The following RBM27 variants were observed in gnomAD, a reference collection of about 807,000 sequenced individuals.
RBM27 encodes RNA-binding protein 27.
In RBM27, 22 loss-of-function variants were observed where a neutral mutation model predicts 135.3. The ratio of observed to expected loss-of-function variants is 0.16; its 90% CI spans 0.12 to 0.23. The LOEUF (loss-of-function observed/expected upper bound fraction) is 0.23, where lower values mean the gene tolerates loss of function less well. Among genes scored for constraint, RBM27 ranks in the 10% least tolerant of loss-of-function variants. The pLI is 1.00. For synonymous variants in RBM27, 481 were observed against 442.4 expected (o/e 1.09, Z -1.10); for missense variants, 1,009 against 1,281.0 (o/e 0.79, Z 3.24).
chr5:146,288,379 G>A lies in RBM27; in HGVS notation c.*2349G>A, dbSNP rs1001263594. 6.6e-6 allele frequency: 1 copy of A among 151,950 alleles called. No individual in the cohort carries two copies. The highest frequency in any genetic ancestry group is 2.4e-5 in the African/African-American group (1 of 41,404). The allele number at this position is 151,950 out of a possible 1,614,324, so 9.4% of individuals were successfully genotyped here. ...ATAAGTTTTCAGTACACCTTAAACA[G>A]GACTAAAAATACTTTAAAAGTGTGC... On this transcript the variant is annotated 3_prime_UTR_variant, in exon 21 of 21. Transcript: ENST00000265271.
intron 12 of RBM27, 59 bp from the exon 13 acceptor site, chr5:146,261,451 C>A: frequency 7.1e-7 from 1 of 1,404,026 alleles, no homozygotes; most frequent in South Asian, 1.2e-5. Context: ...AGCAGTGGGT[C>A]ATAATTTATT....
chr5:146,233,792 C>T, intron 7 of RBM27, 49 bp downstream of exon 7: 1 of 1,287,852 alleles, frequency 7.8e-7, no homozygotes, highest in Non-Finnish European at 1.0e-6. Context: ...TTTAGAAGAA[C>T]CTCATCCCTT....
intron 9 of RBM27, among the ~76,000 whole-genome samples, chr5:146,252,125 C>T (rs910704415): frequency 6.6e-6 from 1 of 152,168 alleles, no homozygotes; most frequent in African/African-American, 2.4e-5. Context: ...CAAAGTGATG[C>T]TAGTTCCTTG....
intron 19 of RBM27, among the ~76,000 whole-genome samples, chr5:146,274,087 C>T (rs550912804): frequency 2.6e-5 from 4 of 152,154 alleles, no homozygotes; most frequent in East Asian, 3.9e-4. Context: ...TGGGTTCAAG[C>T]GATTATCCTG....
intron 8 of RBM27, among the ~76,000 whole-genome samples, chr5:146,239,821 A>G (rs1242866560): frequency 7.6e-6 from 1 of 132,328 alleles, no homozygotes; most frequent in Non-Finnish European, 1.6e-5. Context: ...TCTGTTCCCC[A>G]GGCTGAAGTG....
chr5:146,205,759 G>T (rs1755615531), intron 1 of RBM27, among the ~76,000 whole-genome samples: 1 of 152,140 alleles, frequency 6.6e-6, no homozygotes, highest in Non-Finnish European at 1.5e-5. Flanking sequence ...GGTGGTTCAC[G>T]CCTGTAATCC....
intron 20 of RBM27, 55 bp from the exon 21 acceptor site, chr5:146,285,892 T>TA (rs1374953497): frequency 4.3e-6 from 6 of 1,390,764 alleles, no homozygotes; most frequent in Admixed American, 1.7e-5. Flanking sequence ...GCCTAAAAAG[T>TA]ATTTTACTTA....
At chr5:146,262,027 G>A (rs1758422580) in intron 13 of RBM27, among the ~76,000 whole-genome samples, 1 of 152,146 alleles carries the variant, frequency 6.6e-6, no homozygotes, top group East Asian at 1.9e-4. Context: ...GAATCCCTAT[G>A]GGTGGGGCCC....
rs771357573 is a variant in RBM27, at chr5:146,287,292, T to G, written c.*1262T>G. 4.4e-4 allele frequency: 67 copies of G among 152,336 alleles called. No homozygotes were observed. The highest frequency in any genetic ancestry group is 8.7e-4 in the Non-Finnish European group (59 of 68,024). 9.4% of individuals were successfully genotyped at this position (152,336 alleles called of 1,614,324 possible). A position where few individuals can be genotyped will look rare whatever the true frequency, so the allele number is the denominator to read the frequency against. On this transcript the variant is annotated 3_prime_UTR_variant, in exon 21 of 21. Coordinates refer to ENST00000265271, the MANE Select transcript of RBM27 (RefSeq NM_018989.2). ...AGACAGTTTCCTTTACTGTGTGCAT[T>G]TTTACTGTACACTGTATAGAGTAGA...
intron 1 of RBM27, among the ~76,000 whole-genome samples, chr5:146,212,944 G>C (rs920984245): frequency 6.2e-4 from 94 of 152,110 alleles, no homozygotes; most frequent in African/African-American, 1.9e-3. Flanking sequence ...GGTTACCTTG[G>C]CACTATTTTT....
chr5:146,216,651 T>G (rs546209874), intron 1 of RBM27, among the ~76,000 whole-genome samples: 4 of 152,278 alleles, frequency 2.6e-5, no homozygotes, highest in African/African-American at 9.6e-5. Context: ...GAAAAATCTT[T>G]ACTTTCTTTT....
intron 8 of RBM27, among the ~76,000 whole-genome samples, chr5:146,250,877 A>G (rs1249519739): frequency 2.7e-5 from 4 of 148,286 alleles, no homozygotes; most frequent in Non-Finnish European, 4.4e-5. Context: ...CCCGGGTTCA[A>G]GCAGTTCTCC....
At chr5:146,278,600 A>AT (rs1291585116) in intron 19 of RBM27, among the ~76,000 whole-genome samples, 3 of 152,100 alleles carry the variant, frequency 2.0e-5, no homozygotes, top group Admixed American at 2.0e-4. Flanking sequence ...TAGATTTTAA[A>AT]TTGTTCTACA....
rs781562962 is a variant in RBM27, at chr5:146,258,432, A to G, written c.1595-17A>G. The G allele has an allele frequency of 2.3e-5, 34 of 1,511,072 alleles. No individual in the cohort carries two copies. The highest frequency in any genetic ancestry group is 2.7e-5 in the Non-Finnish European group (30 of 1,127,368). 93.6% of individuals were successfully genotyped at this position (1,511,072 alleles called of 1,614,324 possible). On this transcript the variant is annotated splice_polypyrimidine_tract_variant and intron_variant, in intron 10 of 20. Transcript: ENST00000265271. ...ACTCCTGAAAAACTCAGTAATTTCA[A>G]TTTTTTTTTCCAACAGCTGCTAACA...
intron 1 of RBM27, among the ~76,000 whole-genome samples, chr5:146,206,974 T>A (rs1755709240): frequency 6.6e-6 from 1 of 152,212 alleles, no homozygotes; most frequent in Admixed American, 6.5e-5. Flanking sequence ...TATATTTTTA[T>A]TCTTAGTATG....
At chr5:146,274,233 T>C (rs1163761150) in intron 19 of RBM27, among the ~76,000 whole-genome samples, 2 of 151,488 alleles carry the variant, frequency 1.3e-5, no homozygotes, top group Non-Finnish European at 2.9e-5. Flanking sequence ...TTTTTTTTTT[T>C]AATAGGTGGT....
At chr5:146,252,442 A>C (rs1157147429) in intron 9 of RBM27, among the ~76,000 whole-genome samples, 1 of 152,168 alleles carries the variant, frequency 6.6e-6, no homozygotes, top group African/African-American at 2.4e-5. Context: ...TCTTATAATT[A>C]ACTAAAGGGC....
At chr5:146,262,980 C>T (rs1457959798) in intron 13 of RBM27, among the ~76,000 whole-genome samples, 15 of 151,662 alleles carry the variant, frequency 9.9e-5, no homozygotes, top group Non-Finnish European at 2.1e-4. Flanking sequence ...CCTCTGCCTC[C>T]TGGTTCAGGC....
intron 1 of RBM27, among the ~76,000 whole-genome samples, chr5:146,217,117 C>T (rs1254791949): frequency 4.6e-5 from 7 of 152,126 alleles, no homozygotes; most frequent in African/African-American, 1.7e-4. Context: ...CAGGTGCCAG[C>T]CACCTTGCCT....
Sources: gnomAD v4.1 joint callset for allele counts (sites outside exome capture counted in the v4.1 genomes callset) on GRCh38, gnomAD v4.1.1 for gene constraint, MANE v1.5 for transcripts, NCBI Gene and HGNC (gene_info 2026-07-23, HGNC 2026-07-21) for gene names.